Variants in KCNQ5 observed in about 807,000 individuals in gnomAD.
KCNQ5 encodes the protein potassium voltage-gated channel subfamily Q member 5.
KCNQ5 carries 30 observed loss-of-function variants against 98.2 expected under a neutral mutation model. The observed-to-expected ratio is 0.31, with a 90% CI of 0.23 to 0.41. KCNQ5 has a LOEUF of 0.41. KCNQ5 is among the 10% of genes least tolerant of loss of function. The probability of loss-of-function intolerance (pLI) is 1.00; values close to 1 mark genes in which losing one functional copy is unlikely to be tolerated. For synonymous variants in KCNQ5, 458 were observed against 449.4 expected (o/e 1.02, Z -0.24); for missense variants, 835 against 1,182.5 (o/e 0.71, Z 4.31).
chr6:72,729,444 C>T (rs1443024974), intron 1 of KCNQ5, among the ~76,000 whole-genome samples: 2 of 152,132 alleles, frequency 1.3e-5, no homozygotes, highest in African/African-American at 4.8e-5. Flanking sequence ...TGTGCCACCA[C>T]ACCTGGCTAA....
At chr6:72,844,446 A>G (rs1337055845) in intron 1 of KCNQ5, among the ~76,000 whole-genome samples, 3 of 152,232 alleles carry the variant, frequency 2.0e-5, no homozygotes, top group Non-Finnish European at 4.4e-5. Context: ...CCATTCTATA[A>G]TGAAACATAT....
intron 10 of KCNQ5, among the ~76,000 whole-genome samples, chr6:73,139,528 G>A (rs979461107): frequency 2.0e-5 from 3 of 152,146 alleles, no homozygotes; most frequent in Non-Finnish European, 4.4e-5. Context: ...CAAATATTCT[G>A]TCTATATGTC....
intron 1 of KCNQ5, among the ~76,000 whole-genome samples, chr6:72,785,482 C>T (rs1773689942): frequency 6.6e-6 from 1 of 152,012 alleles, no homozygotes; most frequent in South Asian, 2.1e-4. Flanking sequence ...TACCCCATCT[C>T]TACTAAAAAT....
At chr6:72,767,380 G>T (rs761182935) in intron 1 of KCNQ5, among the ~76,000 whole-genome samples, 19 of 151,918 alleles carry the variant, frequency 1.3e-4, no homozygotes, top group Non-Finnish European at 2.2e-4. Context: ...AAACTGTAAA[G>T]CTCTTAGAAG....
chr6:72,946,827 A>G (rs1766568341), intron 1 of KCNQ5, among the ~76,000 whole-genome samples: 1 of 152,232 alleles, frequency 6.6e-6, no homozygotes, highest in South Asian at 2.1e-4. Flanking sequence ...TATCTCATTT[A>G]CAACATATGG....
chr6:73,119,719 T>C (rs1313190942), intron 7 of KCNQ5, among the ~76,000 whole-genome samples: 1 of 152,202 alleles, frequency 6.6e-6, no homozygotes, highest in African/African-American at 2.4e-5. Context: ...ATAATGGATT[T>C]TCATTAGTCC....
intron 1 of KCNQ5, among the ~76,000 whole-genome samples, chr6:72,697,844 A>G (rs2154474489): frequency 6.6e-6 from 1 of 152,346 alleles, no homozygotes; most frequent in Middle Eastern, 3.4e-3. Flanking sequence ...ATGTATACAT[A>G]GATCTAAATA....
chr6:72,869,260 G>A (rs1778109488), intron 1 of KCNQ5, among the ~76,000 whole-genome samples: 1 of 152,156 alleles, frequency 6.6e-6, no homozygotes, highest in African/African-American at 2.4e-5. Flanking sequence ...TTGTGATGAG[G>A]CTGTCTCCCC....
intron 1 of KCNQ5, among the ~76,000 whole-genome samples, chr6:72,740,844 C>T (rs1223767307): frequency 6.6e-6 from 1 of 152,178 alleles, no homozygotes; most frequent in Non-Finnish European, 1.5e-5. Context: ...CCCTTGTCTC[C>T]TTCTCCAGTC....
At chr6:72,936,410 A>G (rs1765920419) in intron 1 of KCNQ5, among the ~76,000 whole-genome samples, 1 of 152,238 alleles carries the variant, frequency 6.6e-6, no homozygotes, top group Non-Finnish European at 1.5e-5. Flanking sequence ...TCAGAGCACA[A>G]TACGATGCCT....
intron 7 of KCNQ5, among the ~76,000 whole-genome samples, chr6:73,117,297 G>A (rs990915525): frequency 3.9e-5 from 6 of 152,158 alleles, no homozygotes; most frequent in East Asian, 3.9e-4. Context: ...AGAGTGTAAC[G>A]GGCATAGAGT....
chr6:72,987,972 T>C (rs1239798285), intron 1 of KCNQ5, among the ~76,000 whole-genome samples: 2 of 152,166 alleles, frequency 1.3e-5, no homozygotes, highest in East Asian at 1.9e-4. Flanking sequence ...TTGGCTCACA[T>C]TGAACACCTG....
At chr6:72,701,049 T>G (rs1768781901) in intron 1 of KCNQ5, among the ~76,000 whole-genome samples, 1 of 152,198 alleles carries the variant, frequency 6.6e-6, no homozygotes, top group African/African-American at 2.4e-5. Flanking sequence ...GCAACAAAAT[T>G]TCCAGATGGG....
At chr6:72,995,960 C>T (rs1045888264) in intron 1 of KCNQ5, among the ~76,000 whole-genome samples, 2 of 152,094 alleles carry the variant, frequency 1.3e-5, no homozygotes, top group African/African-American at 4.8e-5. Context: ...TCAAATATAT[C>T]CTGAATACCT....
intron 1 of KCNQ5, among the ~76,000 whole-genome samples, chr6:72,941,684 CTT>C (rs1766314590): frequency 5.7e-3 from 1 of 176 alleles, no homozygotes; most frequent in Non-Finnish European, 0.015. Flanking sequence ...TTCTTTCTTT[CTT>C]TCTTTCTTTC....
chr6:73,001,006 C>T (rs1769544187), intron 1 of KCNQ5, among the ~76,000 whole-genome samples: 2 of 152,216 alleles, frequency 1.3e-5, no homozygotes, highest in South Asian at 4.1e-4. Context: ...AAACAAAAGG[C>T]AAATAGTTTG....
chr6:73,048,110 A>G (rs1772052559), intron 3 of KCNQ5, among the ~76,000 whole-genome samples: 1 of 152,256 alleles, frequency 6.6e-6, no homozygotes, highest in South Asian at 2.1e-4. Flanking sequence ...GAAAAACAAT[A>G]CACAAATATG....
chr6:72,911,714 T>C (rs908256848), intron 1 of KCNQ5, among the ~76,000 whole-genome samples: 4 of 152,042 alleles, frequency 2.6e-5, no homozygotes, highest in Non-Finnish European at 5.9e-5. Context: ...TAGCTGTCAG[T>C]GAGTGTGCAT....
At chr6:72,625,205 A>G (rs1382506334) in intron 1 of KCNQ5, among the ~76,000 whole-genome samples, 1 of 152,200 alleles carries the variant, frequency 6.6e-6, no homozygotes, top group Non-Finnish European at 1.5e-5. Flanking sequence ...TATTTATGCA[A>G]AAATAATTAT....
Sources: gnomAD v4.1 joint callset for allele counts (sites outside exome capture counted in the v4.1 genomes callset) on GRCh38, gnomAD v4.1.1 for gene constraint, MANE v1.5 for transcripts, NCBI Gene and HGNC (gene_info 2026-07-23, HGNC 2026-07-21) for gene names.